KIDINS220: variants seen among roughly 807,000 people sequenced by gnomAD.
KIDINS220 encodes the protein kinase D-interacting substrate of 220 kDa.
A neutral mutation model predicts 157.6 loss-of-function variants in KIDINS220; 63 were observed. The ratio of observed to expected loss-of-function variants is 0.40; its 90% CI spans 0.33 to 0.49. The LOEUF is 0.49. Ranked by LOEUF, KIDINS220 falls within the 20% of genes least tolerant of loss-of-function variation. The pLI is 0.66. For missense variants in KIDINS220, 1,772 were observed against 2,171.2 expected (o/e 0.82, Z 3.65); for synonymous variants, 732 against 783.6 (o/e 0.93, Z 1.10).
chr2:8,737,697 C>T (rs1297608561), intron 26 of KIDINS220, among the ~76,000 whole-genome samples: 4 of 152,176 alleles, frequency 2.6e-5, no homozygotes, highest in East Asian at 1.9e-4. Context: ...AAAACATTTT[C>T]GGAATGTGGA....
At chr2:8,722,317 T>C (rs972044784), downstream of KIDINS220, 1 of 152,272 alleles carries the variant, frequency 6.6e-6, no homozygotes, top group Admixed American at 6.5e-5. Context: ...AGAGTTAGAC[T>C]GCAGAAGAGT....
rs748289587 is a variant in KIDINS220, at chr2:8,730,757, C to T, written c.5279G>A (p.Ser1760Asn). The T allele has an allele frequency of 1.4e-5, 23 of 1,614,042 alleles. No homozygotes were observed. The highest frequency in any genetic ancestry group is 1.9e-5 in the Non-Finnish European group (23 of 1,180,034). The part of the protein sequence containing the change: ...PELHAAASSE[S>N]TGFGEERESI... ...TTCTCTTTCTTCTCCAAAGCCTGTG[C>T]TCTCAGAAGAGGCTGCTGCATGGAG... Residue 1760 changes from serine (S) to asparagine (N), a missense_variant, in exon 30 of 30, where the codon AGC (serine) becomes AAC (asparagine). Coordinates refer to ENST00000256707, the MANE Select transcript of KIDINS220 (RefSeq NM_020738.4).
Position 8,728,946 on chromosome 2 carries a change from T to C in KIDINS220, c.*1774A>G, listed in dbSNP as rs1232241576. The C allele has an allele frequency of 2.0e-6, 2 of 978,684 alleles. No homozygotes were observed. Among genetic ancestry groups the C allele is most frequent in the Admixed American group, 6.1e-5 (1 of 16,274 alleles). 60.6% of individuals were successfully genotyped at this position (978,684 alleles called of 1,614,324 possible). Reference sequence around the variant, plus strand: ...AGTCAGAATAGCATGCAATTTTTTATTGTTTTCTAAATCTATTTGTACACT... The same window carrying C: ...AGTCAGAATAGCATGCAATTTTTTACTGTTTTCTAAATCTATTTGTACACT... On this transcript the variant is annotated 3_prime_UTR_variant, in exon 30 of 30. Coordinates refer to ENST00000256707, the MANE Select transcript of KIDINS220 (RefSeq NM_020738.4).
rs1234917386 is a variant in KIDINS220, at chr2:8,798,079, A to C, written c.999+123T>G. The C allele has an allele frequency of 8.2e-6, 5 of 606,694 alleles. No individual in the cohort carries two copies. In the East Asian group the frequency reaches 1.1e-4, roughly 14 times the overall value. The allele number at this position is 606,694 out of a possible 1,614,324, so 37.6% of individuals were successfully genotyped here. ...GGATACAAAGTTACTCCTCAATGTG[A>C]TAGAGAATATTACCAGTAAAATCAG... On this transcript the variant is annotated intron_variant, in intron 10 of 29. Transcript: ENST00000256707.
chr2:8,768,046 T>G (rs1669698474), intron 22 of KIDINS220, among the ~76,000 whole-genome samples: 1 of 152,186 alleles, frequency 6.6e-6, no homozygotes, highest in Non-Finnish European at 1.5e-5. Flanking sequence ...GACTGAGCAG[T>G]GTCAAAACAG....
Position 8,837,533 on chromosome 2 carries a change from G to A in KIDINS220, c.-90C>T, listed in dbSNP as rs1208522641. On this transcript the variant is annotated 5_prime_UTR_variant, in exon 1 of 30. Coordinates refer to ENST00000256707, the MANE Select transcript of KIDINS220 (RefSeq NM_020738.4). ...CGCTCGGCTGCAGGCGATGTCAGAG[G>A]ACGGGGAAGCAAGAGACGGCGACTG... 3 of 152,330 alleles carry A rather than the reference G, an allele frequency of 2.0e-5. No individual in the cohort carries two copies. Among genetic ancestry groups the A allele is most frequent in the African/African-American group, 7.2e-5 (3 of 41,474 alleles). The allele number at this position is 152,330 out of a possible 1,614,324, so 9.4% of individuals were successfully genotyped here.
chr2:8,779,830 A>C lies in KIDINS220; in HGVS notation c.2230-16T>G. On this transcript the variant is annotated splice_polypyrimidine_tract_variant and intron_variant, in intron 17 of 29. Transcript: ENST00000256707. ...ATTTAAGAACCTGTATTGCAAAGGA[A>C]GGTATAGAAAGCACTGAAGGAAGAT... is the stretch of plus-strand genomic sequence containing the variant. The C allele has an allele frequency of 6.2e-7, 1 of 1,613,144 alleles. No individual in the cohort carries two copies. The highest frequency in any genetic ancestry group is 8.5e-7 in the Non-Finnish European group (1 of 1,179,514).
intron 6 of KIDINS220, among the ~76,000 whole-genome samples, chr2:8,807,292 T>G (rs1278533813): frequency 6.6e-6 from 1 of 152,204 alleles, no homozygotes; most frequent in Non-Finnish European, 1.5e-5. Flanking sequence ...CCACATTGCC[T>G]GCCTCTGGGG....
At chr2:8,806,674 G>A (rs1359306420) in intron 6 of KIDINS220, among the ~76,000 whole-genome samples, 7 of 152,080 alleles carry the variant, frequency 4.6e-5, no homozygotes, top group Admixed American at 1.3e-4. Flanking sequence ...TCTGCCTCCC[G>A]GCTCAAGCAA....
downstream of KIDINS220, chr2:8,723,115 C>G (rs1663053300): frequency 6.6e-6 from 1 of 152,262 alleles, no homozygotes; most frequent in African/African-American, 2.4e-5. Context: ...GCAAAGACTC[C>G]TGTGTGCTCA....
chr2:8,745,655 C>G (rs1350374555), intron 26 of KIDINS220, among the ~76,000 whole-genome samples: 2 of 152,046 alleles, frequency 1.3e-5, no homozygotes, highest in African/African-American at 2.4e-5. Context: ...AAAAATTAGC[C>G]AGGCATGGTG....
chr2:8,790,733 G>A (rs1228186219), intron 13 of KIDINS220, among the ~76,000 whole-genome samples: 2 of 152,218 alleles, frequency 1.3e-5, no homozygotes, highest in African/African-American at 4.8e-5. Context: ...GTCTGTTCTT[G>A]CAAGAGCAAA....
intron 26 of KIDINS220, among the ~76,000 whole-genome samples, chr2:8,742,559 A>G (rs1168983285): frequency 1.3e-5 from 2 of 152,198 alleles, no homozygotes; most frequent in African/African-American, 4.8e-5. Flanking sequence ...GCAGTTCTGA[A>G]ATTCTTTATG....
At chr2:8,797,860 G>T (rs1558444544) in intron 10 of KIDINS220, among the ~76,000 whole-genome samples, 1 of 152,184 alleles carries the variant, frequency 6.6e-6, no homozygotes. Context: ...TGCCCAGGCT[G>T]GCCTGGAACT....
At chr2:8,783,027 G>A (rs1296703628) in intron 17 of KIDINS220, among the ~76,000 whole-genome samples, 9 of 151,872 alleles carry the variant, frequency 5.9e-5, no homozygotes, top group Admixed American at 2.0e-4. Flanking sequence ...GTGAAACTCC[G>A]TCTCTACTAA....
downstream of KIDINS220, among the ~76,000 whole-genome samples, chr2:8,726,198 TC>T (rs1215009167): frequency 6.6e-6 from 1 of 152,228 alleles, no homozygotes; most frequent in East Asian, 1.9e-4. Flanking sequence ...TCTTTCTTTT[TC>T]AAAATGCCAC....
chr2:8,793,665 C>T (rs1673508566), intron 12 of KIDINS220, 145 bp downstream of exon 12: 2 of 656,500 alleles, frequency 3.0e-6, no homozygotes, highest in Non-Finnish European at 4.9e-6. Flanking sequence ...TCTCAAACTC[C>T]TGGGGTCAAG....
chr2:8,835,519 G>C (rs1374746753), intron 1 of KIDINS220, among the ~76,000 whole-genome samples: 1 of 152,054 alleles, frequency 6.6e-6, no homozygotes, highest in Non-Finnish European at 1.5e-5. Flanking sequence ...AGCAAAGAGA[G>C]AATACAACAG....
chr2:8,728,628 G>C (rs947009972), downstream of KIDINS220, among the ~76,000 whole-genome samples: 12 of 152,222 alleles, frequency 7.9e-5, no homozygotes, highest in African/African-American at 2.7e-4. Context: ...ATATCCTCCA[G>C]GTTCTGGATA....
Sources: allele counts gnomAD v4.1 joint callset (sites outside exome capture counted in the v4.1 genomes callset), GRCh38; gene constraint gnomAD v4.1.1; transcripts MANE v1.5; gene names NCBI Gene and HGNC (gene_info 2026-07-23, HGNC 2026-07-21).